CACNA2D3: variants seen among roughly 807,000 people sequenced by gnomAD.
The protein encoded by CACNA2D3 is calcium voltage-gated channel auxiliary subunit alpha2delta 3.
In CACNA2D3, 60 loss-of-function variants were observed where a neutral mutation model predicts 160.6. That is an observed-to-expected ratio of 0.37 (90% CI 0.30 to 0.46). The LOEUF (loss-of-function observed/expected upper bound fraction) is 0.46. Ranked by LOEUF, CACNA2D3 falls within the 20% of genes least tolerant of loss-of-function variation. The pLI, the probability that CACNA2D3 is intolerant of heterozygous loss-of-function variation, is 1.00. For synonymous variants in CACNA2D3, 558 were observed against 492.9 expected (o/e 1.13, Z -1.75); for missense variants, 1,205 against 1,365.0 (o/e 0.88, Z 1.85).
chr3:54,245,665 G>A (rs1702058216), intron 2 of CACNA2D3, among the ~76,000 whole-genome samples: 1 of 152,156 alleles, frequency 6.6e-6, no homozygotes, highest in Admixed American at 6.5e-5. Flanking sequence ...GAGAAACAGA[G>A]CATCTATTCA....
chr3:54,909,740 T>G (rs1485803192), intron 27 of CACNA2D3, among the ~76,000 whole-genome samples: 2 of 151,796 alleles, frequency 1.3e-5, no homozygotes, highest in Non-Finnish European at 2.9e-5. Flanking sequence ...CTGCAACATT[T>G]ACAAGTCAGG....
intron 4 of CACNA2D3, among the ~76,000 whole-genome samples, chr3:54,494,640 T>A (rs1226193218): frequency 6.6e-6 from 1 of 152,150 alleles, no homozygotes; most frequent in African/African-American, 2.4e-5. Context: ...TATGGAAGAT[T>A]AAGACTTCCT....
At chr3:54,288,623 A>G (rs1233750495) in intron 2 of CACNA2D3, among the ~76,000 whole-genome samples, 3 of 152,192 alleles carry the variant, frequency 2.0e-5, no homozygotes, top group South Asian at 2.1e-4. Flanking sequence ...CAACCAAAAA[A>G]GAGAATTTTA....
intron 3 of CACNA2D3, among the ~76,000 whole-genome samples, chr3:54,385,462 C>A (rs1030064965): frequency 6.6e-5 from 10 of 152,186 alleles, no homozygotes; most frequent in Non-Finnish European, 1.5e-4. Flanking sequence ...TGTTCTTTGA[C>A]CAGTGAAGGA....
At chr3:54,963,585 G>A (rs1371392463) in intron 27 of CACNA2D3, among the ~76,000 whole-genome samples, 2 of 152,186 alleles carry the variant, frequency 1.3e-5, no homozygotes, top group African/African-American at 4.8e-5. Context: ...CAGGATCAGA[G>A]CATTCAAGGT....
At chr3:55,007,722 G>T in intron 32 of CACNA2D3, 68 bp from the exon 33 acceptor site, 1 of 933,566 alleles carries the variant, frequency 1.1e-6, no homozygotes, top group Non-Finnish European at 1.6e-6. Context: ...CTTATGTAAA[G>T]CCCTAAATTA....
chr3:54,282,241 A>G (rs908938493), intron 2 of CACNA2D3, among the ~76,000 whole-genome samples: 6 of 152,210 alleles, frequency 3.9e-5, no homozygotes, highest in African/African-American at 1.4e-4. Flanking sequence ...TGAATTTTCT[A>G]TGTCAAATAT....
At chr3:54,796,654 A>T (rs1702872019) in intron 13 of CACNA2D3, among the ~76,000 whole-genome samples, 1 of 152,228 alleles carries the variant, frequency 6.6e-6, no homozygotes, top group Non-Finnish European at 1.5e-5. Context: ...AAGTTCCCTG[A>T]AGGATTCTCT....
intron 4 of CACNA2D3, among the ~76,000 whole-genome samples, chr3:54,443,537 G>T (rs970368736): frequency 6.6e-6 from 1 of 152,164 alleles, no homozygotes; most frequent in Non-Finnish European, 1.5e-5. Flanking sequence ...TTGGCAGGGG[G>T]ACAGGGCCTC....
intron 35 of CACNA2D3, among the ~76,000 whole-genome samples, chr3:55,021,681 A>ATATATATATGTG (rs1703457322): frequency 3.4e-5 from 2 of 58,398 alleles, no homozygotes; most frequent in African/African-American, 1.3e-4. Context: ...ATATATGTGT[A>ATATATATATGTG]TATATATATA....
At chr3:54,424,972 G>A (rs72973135) in intron 4 of CACNA2D3, among the ~76,000 whole-genome samples, 4,069 of 152,264 alleles carry the variant, frequency 0.027, 197 homozygotes, top group African/African-American at 0.092. Flanking sequence ...AAAGAGAGAA[G>A]GACCCCTGAC....
chr3:54,801,525 T>G (rs1013106150), intron 13 of CACNA2D3, among the ~76,000 whole-genome samples: 1 of 152,192 alleles, frequency 6.6e-6, no homozygotes, highest in South Asian at 2.1e-4. Flanking sequence ...AGCCTAGATC[T>G]CTAATAATAA....
rs147987249 is a variant in CACNA2D3, at chr3:54,917,977, G to A, written c.2449+18109G>A. Among the ~76,000 whole-genome samples the A allele has an allele frequency of 2.8e-3, 427 of 152,286 alleles. 2 individuals carry two copies. The highest frequency in any genetic ancestry group is 9.9e-3 in the African/African-American group (410 of 41,560). On this transcript the variant is annotated intron_variant, in intron 27 of 37. Coordinates refer to ENST00000474759, the MANE Select transcript of CACNA2D3 (RefSeq NM_018398.3). Reference sequence around the variant, plus strand: ...AACATCTAAAAGTATCACTGATCTAGCATGAACTCGAATTATAGAGGCATT... The same window carrying A: ...AACATCTAAAAGTATCACTGATCTAACATGAACTCGAATTATAGAGGCATT...
At chr3:54,930,787 A>G (rs1319590842) in intron 27 of CACNA2D3, among the ~76,000 whole-genome samples, 1 of 152,210 alleles carries the variant, frequency 6.6e-6, no homozygotes, top group Non-Finnish European at 1.5e-5. Context: ...CATATCTGGT[A>G]GAGCAAAAGA....
intron 8 of CACNA2D3, among the ~76,000 whole-genome samples, chr3:54,572,340 C>A (rs542095668): frequency 6.6e-6 from 1 of 152,318 alleles, no homozygotes; most frequent in Admixed American, 6.5e-5. Context: ...TGGCAAATAG[C>A]AGGAGTTTAA....
intron 8 of CACNA2D3, among the ~76,000 whole-genome samples, 198 bp from the exon 9 acceptor site, chr3:54,581,605 A>C (rs1439667777): frequency 6.6e-6 from 1 of 152,228 alleles, no homozygotes; most frequent in African/African-American, 2.4e-5. Context: ...TCCTTCAAAC[A>C]AGAAAAGAAT....
At chr3:54,317,739 A>G (rs1452245904) in intron 2 of CACNA2D3, among the ~76,000 whole-genome samples, 1 of 152,102 alleles carries the variant, frequency 6.6e-6, no homozygotes. Context: ...GGGTTTCACC[A>G]TGTTGGCCAG....
intron 35 of CACNA2D3, among the ~76,000 whole-genome samples, chr3:55,062,163 A>AG (rs1474425120): frequency 1.3e-5 from 2 of 152,164 alleles, no homozygotes; most frequent in African/African-American, 4.8e-5. Flanking sequence ...TCTGTTGCCC[A>AG]GGCTGGAGTG....
intron 2 of CACNA2D3, among the ~76,000 whole-genome samples, chr3:54,305,478 G>A (rs1397526272): frequency 2.6e-5 from 4 of 152,208 alleles, no homozygotes; most frequent in Non-Finnish European, 4.4e-5. Context: ...TAGTGGCATT[G>A]TTTCAGGAAA....
Sources: gnomAD v4.1 joint callset for allele counts (sites outside exome capture counted in the v4.1 genomes callset) on GRCh38, gnomAD v4.1.1 for gene constraint, MANE v1.5 for transcripts, NCBI Gene and HGNC (gene_info 2026-07-23, HGNC 2026-07-21) for gene names.